Variants in ST3GAL1 observed in about 807,000 individuals in gnomAD.
ST3GAL1 encodes the protein ST3 beta-galactoside alpha-2,3-sialyltransferase 1, also known as CMP-N-acetylneuraminate-beta-galactosamide-alpha-2,3-sialyltransferase 1.
A neutral mutation model predicts 34.1 loss-of-function variants in ST3GAL1; 16 were observed. That is an observed-to-expected ratio of 0.47 (90% CI 0.32 to 0.71). The LOEUF (loss-of-function observed/expected upper bound fraction) is 0.71, where lower values mean the gene tolerates loss of function less well. Ranked by LOEUF, ST3GAL1 falls within the 30% of genes least tolerant of loss-of-function variation. The pLI, the probability that ST3GAL1 is intolerant of heterozygous loss-of-function variation, is 0.04. For synonymous variants in ST3GAL1, 191 were observed against 184.7 expected, an observed-to-expected ratio of 1.03 and a Z score of -0.28; for missense variants, 353 against 447.4, an observed-to-expected ratio of 0.79 and a Z score of 1.90.
intron 1 of ST3GAL1, chr8:133,567,318 C>G (rs1819431302): frequency 6.6e-6 from 1 of 152,204 alleles, no homozygotes; most frequent in Non-Finnish European, 1.5e-5. Flanking sequence ...TTGCATGGTG[C>G]TCCTGGAAGG....
At chr8:133,554,039 C>T (rs1384992201) in intron 1 of ST3GAL1, among the ~76,000 whole-genome samples, 2 of 152,088 alleles carry the variant, frequency 1.3e-5, no homozygotes, top group African/African-American at 4.8e-5. Context: ...TGGGACCCTT[C>T]GACAAGATCC....
intron 1 of ST3GAL1, among the ~76,000 whole-genome samples, chr8:133,547,581 A>G (rs938037648): frequency 2.6e-5 from 4 of 152,072 alleles, no homozygotes; most frequent in Admixed American, 2.0e-4. Context: ...GATAATAGAC[A>G]ATGTGTGGAG....
At chr8:133,495,898 G>C (rs1337597136) in intron 3 of ST3GAL1, among the ~76,000 whole-genome samples, 1 of 152,218 alleles carries the variant, frequency 6.6e-6, no homozygotes, top group Non-Finnish European at 1.5e-5. Context: ...AGAGAAAGTG[G>C]TCAGGTTGCG....
intron 1 of ST3GAL1, among the ~76,000 whole-genome samples, chr8:133,562,852 T>TTCC (rs748884767): frequency 1.8e-5 from 1 of 56,918 alleles, no homozygotes; most frequent in Admixed American, 1.4e-4. Context: ...CTTTCTTTCT[T>TTCC]TTTTTTTTTT....
chr8:133,486,467 G>C (rs1586607420), intron 3 of ST3GAL1, among the ~76,000 whole-genome samples: 1 of 152,282 alleles, frequency 6.6e-6, no homozygotes, highest in Admixed American at 6.5e-5. Flanking sequence ...GCCAGGCCTG[G>C]ACCCACTCAA....
chr8:133,535,569 C>G (rs930797237), intron 2 of ST3GAL1, among the ~76,000 whole-genome samples: 1 of 148,842 alleles, frequency 6.7e-6, no homozygotes, highest in Non-Finnish European at 1.5e-5. Context: ...AAGTTCTGTT[C>G]ATAGCTCCCT....
chr8:133,516,256 T>G (rs1161039338), intron 2 of ST3GAL1: 2 of 152,190 alleles, frequency 1.3e-5, no homozygotes, highest in Admixed American at 6.6e-5. Context: ...CCCTCTCTCT[T>G]GTTCCCTCTC....
intron 2 of ST3GAL1, among the ~76,000 whole-genome samples, chr8:133,500,315 G>T (rs1207207642): frequency 6.6e-6 from 1 of 152,174 alleles, no homozygotes; most frequent in East Asian, 1.9e-4. Context: ...ACACCAAGAG[G>T]CCCACGGGGG....
intron 2 of ST3GAL1, among the ~76,000 whole-genome samples, chr8:133,528,441 T>G (rs1818040941): frequency 6.6e-6 from 1 of 152,234 alleles, no homozygotes; most frequent in African/African-American, 2.4e-5. Context: ...TGCAGGACAG[T>G]CTGTGCCCTG....
chr8:133,557,476 G>A (rs1819079402), intron 1 of ST3GAL1, among the ~76,000 whole-genome samples: 1 of 152,276 alleles, frequency 6.6e-6, no homozygotes, highest in South Asian at 2.1e-4. Context: ...CACCCCACGG[G>A]CTGGCCTCCT....
intron 5 of ST3GAL1, among the ~76,000 whole-genome samples, chr8:133,474,870 A>G (rs1425908626): frequency 6.6e-6 from 1 of 152,168 alleles, no homozygotes; most frequent in Non-Finnish European, 1.5e-5. Context: ...CTTCTGTGTG[A>G]GCCTACCTTG....
At chr8:133,503,373 G>T (rs1176114643) in intron 2 of ST3GAL1, among the ~76,000 whole-genome samples, 1 of 152,172 alleles carries the variant, frequency 6.6e-6, no homozygotes, top group Non-Finnish European at 1.5e-5. Flanking sequence ...TTTCTCATCT[G>T]CAAAACAGGG....
Position 133,521,503 on chromosome 8 carries a change from T to C in ST3GAL1, c.-428-22314A>G, listed in dbSNP as rs141268833. Among the ~76,000 whole-genome samples, 1,485 of 152,328 alleles carry C rather than the reference T, an allele frequency of 9.7e-3. 16 individuals are homozygous for C. The highest frequency in any genetic ancestry group is 0.024 in the Middle Eastern group (7 of 294). Reference sequence around the variant, plus strand: ...TATTAGAGACGGGGTTTCATTATCTTGGCCAGGCTCGTCTCAAACTCCTGA... The same window carrying C: ...TATTAGAGACGGGGTTTCATTATCTCGGCCAGGCTCGTCTCAAACTCCTGA... On this transcript the variant is annotated intron_variant, in intron 2 of 9. Transcript: ENST00000522652.
At chr8:133,559,088 G>A (rs2088298456) in intron 1 of ST3GAL1, among the ~76,000 whole-genome samples, 1 of 152,042 alleles carries the variant, frequency 6.6e-6, no homozygotes, top group Admixed American at 6.5e-5. Context: ...AAGCCACTGG[G>A]ACAGGCTGTG....
chr8:133,517,211 G>A (rs955835759), intron 2 of ST3GAL1, among the ~76,000 whole-genome samples: 2 of 152,224 alleles, frequency 1.3e-5, no homozygotes, highest in Non-Finnish European at 2.9e-5. Context: ...GGATTCTGCT[G>A]TTCCAAGCTA....
intron 1 of ST3GAL1, among the ~76,000 whole-genome samples, chr8:133,562,922 T>C (rs1433120184): frequency 6.6e-6 from 1 of 151,638 alleles, no homozygotes; most frequent in African/African-American, 2.4e-5. Context: ...TAGATTTTTG[T>C]TTTTTTATGT....
chr8:133,521,373 A>T (rs910147651), intron 2 of ST3GAL1, among the ~76,000 whole-genome samples: 2 of 152,070 alleles, frequency 1.3e-5, no homozygotes, highest in Non-Finnish European at 2.9e-5. Flanking sequence ...ATCTCCGCTC[A>T]CTGTAACCTC....
intron 2 of ST3GAL1, among the ~76,000 whole-genome samples, chr8:133,505,085 A>G (rs1817293521): frequency 6.6e-6 from 1 of 152,148 alleles, no homozygotes; most frequent in Admixed American, 6.5e-5. Flanking sequence ...ACTGCAGACA[A>G]TTTGGAGTTG....
chr8:133,477,820 C>T (rs1360887060), intron 3 of ST3GAL1, among the ~76,000 whole-genome samples: 1 of 152,038 alleles, frequency 6.6e-6, no homozygotes, highest in East Asian at 1.9e-4. Context: ...ATCGATTCCT[C>T]CCCATTCTCA....
Sources: gnomAD v4.1 joint callset for allele counts (sites outside exome capture counted in the v4.1 genomes callset) on GRCh38, gnomAD v4.1.1 for gene constraint, MANE v1.5 for transcripts, NCBI Gene and HGNC (gene_info 2026-07-23, HGNC 2026-07-21) for gene names.